ITSN1: variants seen among roughly 807,000 people sequenced by gnomAD.
ITSN1 encodes the protein intersectin-1.
ITSN1 carries 58 observed loss-of-function variants against 239.8 expected under a neutral mutation model. That is an observed-to-expected ratio of 0.24 (90% CI 0.20 to 0.30). The LOEUF (loss-of-function observed/expected upper bound fraction) is 0.30. ITSN1 is among the 10% of genes least tolerant of loss of function. ITSN1 has a pLI of 1.00. For missense variants in ITSN1, 1,558 were observed against 2,103.3 expected (o/e 0.74, Z 5.07); for synonymous variants, 780 against 770.8 (o/e 1.01, Z -0.20).
intron 25 of ITSN1, among the ~76,000 whole-genome samples, chr21:33,825,249 G>T (rs2073915626): frequency 6.6e-6 from 1 of 151,676 alleles, no homozygotes. Context: ...CTTAACCACA[G>T]TCTTAAATTA....
At chr21:33,684,327 T>A (rs1352134535) in intron 1 of ITSN1, among the ~76,000 whole-genome samples, 2 of 152,234 alleles carry the variant, frequency 1.3e-5, no homozygotes, top group African/African-American at 4.8e-5. Context: ...GGCACTCATC[T>A]GAGTACCGAT....
chr21:33,643,964 G>A (rs1415315590), intron 1 of ITSN1: 2 of 152,288 alleles, frequency 1.3e-5, no homozygotes, highest in Non-Finnish European at 2.9e-5. Flanking sequence ...GGATTATGTA[G>A]TGGACAGGAT....
chr21:33,737,664 C>T (rs548963673), intron 5 of ITSN1, among the ~76,000 whole-genome samples: 9 of 152,198 alleles, frequency 5.9e-5, no homozygotes, highest in East Asian at 3.9e-4. Context: ...ACCTCTGCCT[C>T]CCGGGTTCAA....
chr21:33,804,885 G>A (rs1281483604), intron 20 of ITSN1, among the ~76,000 whole-genome samples: 2 of 152,176 alleles, frequency 1.3e-5, no homozygotes, highest in Non-Finnish European at 2.9e-5. Flanking sequence ...AACTCATAAT[G>A]TTTTAAGAAA....
chr21:33,648,886 A>G (rs375605966), intron 1 of ITSN1, among the ~76,000 whole-genome samples: 2 of 152,198 alleles, frequency 1.3e-5, no homozygotes, highest in East Asian at 3.9e-4. Context: ...AGAAAGAGAA[A>G]GAGAAGGAAG....
intron 20 of ITSN1, among the ~76,000 whole-genome samples, chr21:33,804,363 G>T (rs1234152104): frequency 6.6e-6 from 1 of 152,112 alleles, no homozygotes; most frequent in African/African-American, 2.4e-5. Context: ...ACTATTCTCA[G>T]CACTGTAGAT....
intron 9 of ITSN1, among the ~76,000 whole-genome samples, chr21:33,764,446 A>T (rs2068579691): frequency 6.6e-6 from 1 of 152,024 alleles, no homozygotes. Context: ...TTTCTTTTTA[A>T]AACTGGGTAT....
chr21:33,786,192 C>T (rs2070661518), intron 16 of ITSN1, among the ~76,000 whole-genome samples: 1 of 152,160 alleles, frequency 6.6e-6, no homozygotes, highest in Non-Finnish European at 1.5e-5. Context: ...GTGATTATTG[C>T]TAGCATGAAT....
At chr21:33,688,740 G>A (rs1328910688) in intron 1 of ITSN1, among the ~76,000 whole-genome samples, 1 of 152,132 alleles carries the variant, frequency 6.6e-6, no homozygotes, top group Non-Finnish European at 1.5e-5. Context: ...GAAAGACAGA[G>A]GGAGCTTGGG....
intron 16 of ITSN1, among the ~76,000 whole-genome samples, chr21:33,787,362 T>C (rs1055836080): frequency 6.6e-6 from 1 of 152,268 alleles, no homozygotes; most frequent in Non-Finnish European, 1.5e-5. Flanking sequence ...TATTTAAGAC[T>C]AATTCACAAT....
At chr21:33,833,833 C>G (rs1256430766) in intron 27 of ITSN1, among the ~76,000 whole-genome samples, 2 of 149,512 alleles carry the variant, frequency 1.3e-5, no homozygotes, top group African/African-American at 5.0e-5. Flanking sequence ...GATCGTGCCA[C>G]TGCACTCCAG....
At position 33,797,690 on chromosome 21, in the gene ITSN1, T is replaced by C. The variant is rs1351722756; in HGVS notation, c.2182+82T>C. 1.9e-6 allele frequency: 2 copies of C among 1,055,390 alleles called. No individual in the cohort carries two copies. The highest frequency in any genetic ancestry group is 2.8e-6 in the Non-Finnish European group (2 of 708,904). 65.4% of individuals were successfully genotyped at this position (1,055,390 alleles called of 1,614,324 possible). On this transcript the variant is annotated intron_variant, in intron 18 of 39. Transcript: ENST00000381318. The surrounding 1 kb of genome is among the most constrained non-coding windows in gnomAD (Gnocchi z 4.9). ...CTGAAAAATGCCCCTATCTCATCAGTACCTGTCTTGGCTACATTAACAGAT... is the reference window on the plus strand; with the variant it reads ...CTGAAAAATGCCCCTATCTCATCAGCACCTGTCTTGGCTACATTAACAGAT...
intron 31 of ITSN1, among the ~76,000 whole-genome samples, chr21:33,862,219 G>C (rs1481762465): frequency 6.6e-6 from 1 of 150,906 alleles, no homozygotes; most frequent in African/African-American, 2.4e-5. Context: ...AAGTGAGGTG[G>C]GGTGACCAAC....
At chr21:33,752,155 T>A (rs1023180912) in intron 7 of ITSN1, among the ~76,000 whole-genome samples, 5 of 151,788 alleles carry the variant, frequency 3.3e-5, no homozygotes, top group Admixed American at 6.6e-5. Flanking sequence ...TTTTTTTTTT[T>A]AAAGAGGATA....
At chr21:33,665,604 G>GT (rs1568880725) in intron 1 of ITSN1, among the ~76,000 whole-genome samples, 1 of 152,158 alleles carries the variant, frequency 6.6e-6, no homozygotes, top group African/African-American at 2.4e-5. Context: ...TAGATACAGA[G>GT]TTATATGGCT....
At chr21:33,732,394 C>G (rs2066243259) in intron 4 of ITSN1, among the ~76,000 whole-genome samples, 1 of 152,038 alleles carries the variant, frequency 6.6e-6, no homozygotes. Flanking sequence ...TTGAAATGCC[C>G]TTGGCTGAGA....
intron 22 of ITSN1, 126 bp downstream of exon 22, chr21:33,814,198 T>C: frequency 9.7e-7 from 1 of 1,027,092 alleles, no homozygotes; most frequent in Non-Finnish European, 1.4e-6. Flanking sequence ...TGGCTGGCAG[T>C]ATGGGAATCC....
At chr21:33,744,348 A>G (rs141505616) in intron 5 of ITSN1, among the ~76,000 whole-genome samples, 235 of 152,350 alleles carry the variant, frequency 1.5e-3, no homozygotes, top group Middle Eastern at 0.01. Context: ...CAAATATAAT[A>G]GTATCAAATG....
chr21:33,677,209 G>A (rs2090647216), intron 1 of ITSN1, among the ~76,000 whole-genome samples: 1 of 152,114 alleles, frequency 6.6e-6, no homozygotes, highest in African/African-American at 2.4e-5. Flanking sequence ...GGAGAACTGA[G>A]CAAGTATGTG....
Sources: gnomAD v4.1 joint callset for allele counts (sites outside exome capture counted in the v4.1 genomes callset) on GRCh38, gnomAD v4.1.1 for gene constraint, Gnocchi (gnomAD v3.1) non-coding constraint, MANE v1.5 for transcripts, NCBI Gene and HGNC (gene_info 2026-07-23, HGNC 2026-07-21) for gene names.